The following CMTR1 variants were observed in gnomAD, a reference collection of about 807,000 sequenced individuals.
The protein encoded by CMTR1 is cap-specific mRNA (nucleoside-2'-O-)-methyltransferase 1.
CMTR1 carries 39 observed loss-of-function variants against 107.0 expected under a neutral mutation model. The observed-to-expected ratio is 0.36, with a 90% CI of 0.28 to 0.48. The LOEUF (loss-of-function observed/expected upper bound fraction) is 0.48, where lower values mean the gene tolerates loss of function less well. Ranked by LOEUF, CMTR1 falls within the 20% of genes least tolerant of loss-of-function variation. The probability of loss-of-function intolerance (pLI) is 0.99; values close to 1 mark genes in which losing one functional copy is unlikely to be tolerated. For missense variants in CMTR1, 672 were observed against 1,064.9 expected, an observed-to-expected ratio of 0.63 and a Z score of 5.14; for synonymous variants, 366 against 379.5, an observed-to-expected ratio of 0.96 and a Z score of 0.41.
At chr6:37,476,304 G>C in intron 20 of CMTR1, 110 bp downstream of exon 20, 2 of 1,103,330 alleles carry the variant, frequency 1.8e-6, no homozygotes, top group South Asian at 2.5e-5. Flanking sequence ...GTGGGTGTTA[G>C]AGACAAGACC....
chr6:37,459,735 G>C (rs1301986975), intron 10 of CMTR1, 51 bp downstream of exon 10: 3 of 1,314,636 alleles, frequency 2.3e-6, no homozygotes, highest in Non-Finnish European at 3.3e-6. Flanking sequence ...TGTTATTTTA[G>C]AGGTTTGAGA....
At chr6:37,474,671 T>C in intron 18 of CMTR1, 25 bp downstream of exon 18, 4 of 1,612,032 alleles carry the variant, frequency 2.5e-6, no homozygotes, top group Non-Finnish European at 3.4e-6. Flanking sequence ...TGCTCAGGTG[T>C]TGGCCCTGCA....
At chr6:37,455,324 C>T (rs1018946538) in intron 8 of CMTR1, among the ~76,000 whole-genome samples, 2 of 152,220 alleles carry the variant, frequency 1.3e-5, no homozygotes, top group Admixed American at 6.5e-5. Context: ...GGTGATCCGC[C>T]TGCCTTGGCC....
intron 13 of CMTR1, among the ~76,000 whole-genome samples, chr6:37,468,364 C>G (rs899091366): frequency 2.0e-5 from 3 of 151,986 alleles, no homozygotes; most frequent in African/African-American, 7.3e-5. Context: ...TTACTTTAAA[C>G]CGTTTATAGT....
intron 13 of CMTR1, among the ~76,000 whole-genome samples, chr6:37,466,360 T>G (rs921460887): frequency 6.6e-6 from 1 of 152,022 alleles, no homozygotes; most frequent in Non-Finnish European, 1.5e-5. Flanking sequence ...GGTCTCAATC[T>G]CTTGACTTCG....
At chr6:37,439,953 T>C (rs925000553) in intron 2 of CMTR1, among the ~76,000 whole-genome samples, 3 of 152,210 alleles carry the variant, frequency 2.0e-5, no homozygotes, top group Non-Finnish European at 2.9e-5. Flanking sequence ...AGCTTGTCAC[T>C]GCCAATTTTA....
chr6:37,428,636 T>G (rs1313485178), upstream of CMTR1, among the ~76,000 whole-genome samples: 1 of 152,126 alleles, frequency 6.6e-6, no homozygotes, highest in Non-Finnish European at 1.5e-5. Context: ...TTTTGTATTT[T>G]TAGTAGAGAC....
rs536706239 is a variant in CMTR1, at chr6:37,458,974, T to G, written c.976+164T>G. On this transcript the variant is annotated intron_variant, in intron 9 of 23. Transcript: ENST00000373451. The surrounding 1 kb of genome is among the most constrained non-coding windows in gnomAD (Gnocchi z 4.7). ...ATCTTGGTTCCCTCTGGACTATCCC[T>G]TTTTACCCTGGGCCTGCAGAATACA... Among the ~76,000 whole-genome samples, 3 of 152,350 alleles carry G rather than the reference T, an allele frequency of 2.0e-5. No homozygotes were observed. The East Asian group carries it at 5.8e-4, about 29-fold the overall frequency.
chr6:37,426,763 A>G, the CMTR1 span, among the ~76,000 whole-genome samples: 2 of 152,266 alleles, frequency 1.3e-5, no homozygotes, highest in Admixed American at 6.5e-5. Context: ...AATTTGCTCC[A>G]TATACGTAGT....
intron 4 of CMTR1, among the ~76,000 whole-genome samples, chr6:37,446,900 C>T (rs1023990270): frequency 1.3e-5 from 2 of 152,164 alleles, no homozygotes; most frequent in Non-Finnish European, 2.9e-5. Flanking sequence ...CATCCAGGTT[C>T]TAAATAGGTG....
intron 21 of CMTR1, 96 bp downstream of exon 21, chr6:37,477,735 C>CGGGG: frequency 2.7e-6 from 1 of 373,518 alleles, no homozygotes; most frequent in Non-Finnish European, 4.6e-6. Context: ...GGGTCGGGGG[C>CGGGG]GGGGGGTGGT....
rs377467190 is a variant in CMTR1 at position 37,435,780 on chromosome 6, G to C, written c.133+18G>C. 81 of 1,564,316 alleles carry C rather than the reference G, an allele frequency of 5.2e-5. No individual in the cohort carries two copies. Among genetic ancestry groups the C allele is most frequent in the Middle Eastern group, 1.7e-4 (1 of 5,912 alleles). On this transcript the variant is annotated intron_variant, in intron 2 of 23. Transcript: ENST00000373451. Reference sequence around the variant, plus strand: ...AGCAAAAGGTACGTGTGCTTGTGTGGTCTGAGGCCACTGGCCATCTGGTTA... The same window carrying C: ...AGCAAAAGGTACGTGTGCTTGTGTGCTCTGAGGCCACTGGCCATCTGGTTA...
chr6:37,441,519 A>G (rs1771675918), intron 2 of CMTR1, among the ~76,000 whole-genome samples: 2 of 151,806 alleles, frequency 1.3e-5, no homozygotes, highest in African/African-American at 4.8e-5. Context: ...GGTTCAAGTG[A>G]ATCTCCTACC....
rs1581750842 is a variant in CMTR1 at position 37,471,200 on chromosome 6, C to T, written c.1562+123C>T. The T allele has an allele frequency of 8.6e-6, 7 of 815,486 alleles. No individual in the cohort carries two copies. In the East Asian group the frequency reaches 1.8e-4, roughly 21 times the overall value. The allele number at this position is 815,486 out of a possible 1,614,324, so 50.5% of individuals were successfully genotyped here. ...TTAAAACACCTGCTTTTTTCTCATA[C>T]TCTGCTATGGTCTCTGAAGGATGCC... On this transcript the variant is annotated intron_variant, in intron 14 of 23. Transcript: ENST00000373451.
chr6:37,477,140 T>C (rs1761755220), intron 20 of CMTR1, among the ~76,000 whole-genome samples: 1 of 152,164 alleles, frequency 6.6e-6, no homozygotes, highest in South Asian at 2.1e-4. Context: ...CCACCCGCTG[T>C]GGGTAATAGG....
upstream of CMTR1, among the ~76,000 whole-genome samples, chr6:37,431,658 AG>A (rs1771376088): frequency 6.6e-6 from 1 of 152,198 alleles, no homozygotes; most frequent in Non-Finnish European, 1.5e-5. Flanking sequence ...AGGAGCTCAG[AG>A]GTGGGTCTCC....
At chr6:37,449,418 C>T (rs1394697739) in intron 4 of CMTR1, among the ~76,000 whole-genome samples, 1 of 152,184 alleles carries the variant, frequency 6.6e-6, no homozygotes, top group Non-Finnish European at 1.5e-5. Flanking sequence ...AAGGGATTCT[C>T]CCGCCTCAGC....
chr6:37,428,057 A>AGAGAGAGAGG, the CMTR1 span, among the ~76,000 whole-genome samples: 1,028 of 143,104 alleles, frequency 7.2e-3, 15 homozygotes, highest in Middle Eastern at 0.022. Context: ...AGAGAGAGAG[A>AGAGAGAGAGG]GAGAAACTCT....
chr6:37,436,414 G>T (rs1213870278), intron 2 of CMTR1: 5 of 152,208 alleles, frequency 3.3e-5, no homozygotes, highest in Non-Finnish European at 7.3e-5. Context: ...CTTGCCAGCT[G>T]TATTAGTTTC....
Sources: gnomAD v4.1 joint callset for allele counts (sites outside exome capture counted in the v4.1 genomes callset) on GRCh38, gnomAD v4.1.1 for gene constraint, Gnocchi (gnomAD v3.1) non-coding constraint, MANE v1.5 for transcripts, NCBI Gene and HGNC (gene_info 2026-07-23, HGNC 2026-07-21) for gene names.